Variants in MAPK8IP3 observed in about 807,000 individuals in gnomAD.
The protein encoded by MAPK8IP3 is C-Jun-amino-terminal kinase-interacting protein 3.
In MAPK8IP3, 49 loss-of-function variants were observed where a neutral mutation model predicts 157.8. The observed-to-expected ratio is 0.31, with a 90% CI of 0.25 to 0.39. MAPK8IP3 has a LOEUF of 0.39. Ranked by LOEUF, MAPK8IP3 falls within the 10% of genes least tolerant of loss-of-function variation. The pLI, the probability that MAPK8IP3 is intolerant of heterozygous loss-of-function variation, is 1.00. For missense variants in MAPK8IP3, 1,478 were observed against 1,889.4 expected (o/e 0.78, Z 4.04); for synonymous variants, 897 against 777.7 (o/e 1.15, Z -2.55).
Position 1,747,041 on chromosome 16 carries a change from G to A in MAPK8IP3, c.760G>A (p.Glu254Lys). 6.2e-7 allele frequency: 1 copy of A among 1,613,594 alleles called. No homozygotes were observed. ...TGTTTGGCCTTAGTGTCCACAGGAT[G>A]AAATGTCCGAGTCAGGCCAGTCCTC... is the stretch of plus-strand genomic sequence containing the variant. Reference protein sequence around the residue: ...SSSSYQCPQDEMSESGQSSAA... With the variant: ...SSSSYQCPQDKMSESGQSSAA... Residue 254 changes from glutamate (E) to lysine (K), a missense_variant, in exon 6 of 32, where the codon GAA (glutamate) becomes AAA (lysine). Transcript: ENST00000610761.
At chr16:1,767,332 G>A in intron 26 of MAPK8IP3, 35 bp downstream of exon 26, 1 of 1,610,380 alleles carries the variant, frequency 6.2e-7, no homozygotes, top group Non-Finnish European at 8.5e-7. Flanking sequence ...GAGGGGAAGA[G>A]GCTCCTGCTG....
rs763657841 is a variant in MAPK8IP3 at position 1,747,274 on chromosome 16, A to C, written c.993A>C (p.Ile331=). The C allele has an allele frequency of 1.4e-5, 22 of 1,612,146 alleles. No individual in the cohort carries two copies. Among genetic ancestry groups the C allele is most frequent in the Non-Finnish European group, 1.7e-5 (20 of 1,178,904 alleles). Residue 331 remains isoleucine (I), a splice_region_variant and synonymous_variant, in exon 6 of 32, where the codon ATA becomes ATC. Coordinates refer to ENST00000610761, the MANE Select transcript of MAPK8IP3 (RefSeq NM_001318852.2). ...CCCAGGAGATGCGCAACGTCAGTAT[A>C]GGTGGGTGCCCACCTCCGGGACTCT... The part of the protein sequence containing the change: ...QVTQEMRNVS[I]GMGSSDEWSD...
chr16:1,736,965 C>A (rs2039964346), intron 4 of MAPK8IP3, among the ~76,000 whole-genome samples: 1 of 59,554 alleles, frequency 1.7e-5, no homozygotes, highest in Non-Finnish European at 3.1e-5. Flanking sequence ...TGTGACCGTC[C>A]GTGTGACCGT....
chr16:1,717,915 G>T (rs534573263), intron 1 of MAPK8IP3, among the ~76,000 whole-genome samples: 1 of 151,490 alleles, frequency 6.6e-6, no homozygotes. Context: ...GCAGTGGCAC[G>T]ATCTCAGCTC....
intron 1 of MAPK8IP3, among the ~76,000 whole-genome samples, chr16:1,709,304 G>A (rs541332684): frequency 2.6e-5 from 4 of 152,232 alleles, no homozygotes; most frequent in Non-Finnish European, 5.9e-5. Flanking sequence ...GACCCAAGCC[G>A]TGGAGTCTGC....
intron 1 of MAPK8IP3, among the ~76,000 whole-genome samples, chr16:1,717,569 G>A (rs182333757): frequency 1.3e-5 from 2 of 152,338 alleles, no homozygotes; most frequent in Admixed American, 1.3e-4. Context: ...AGGTGGTCGT[G>A]TCAAATACAC....
intron 4 of MAPK8IP3, chr16:1,735,112 A>G (rs574266128): frequency 7.2e-5 from 11 of 152,428 alleles, no homozygotes; most frequent in Non-Finnish European, 1.6e-4. Context: ...GTCAAAGCCA[A>G]GAGGGCTCGT....
In MAPK8IP3 at chr16:1,767,815, G is replaced by A. The variant is rs569437415; in HGVS notation, c.3420G>A (p.Lys1140=). 4 of 1,611,300 alleles carry A rather than the reference G, an allele frequency of 2.5e-6. No individual in the cohort carries two copies. Among genetic ancestry groups the A allele is most frequent in the South Asian group, 2.2e-5 (2 of 91,068 alleles). Reference sequence around the variant, plus strand: ...CGCTCTCCCCCACAGGCACTGGCAAGCTGGGTTTCTCCTTCGTACGCATCA... The same window carrying A: ...CGCTCTCCCCCACAGGCACTGGCAAACTGGGTTTCTCCTTCGTACGCATCA... The part of the protein sequence containing the change: ...PYVSKMLGTG[K]LGFSFVRITA... Residue 1140 remains lysine (K), a synonymous_variant, in exon 28 of 32, where the codon AAG becomes AAA. Coordinates refer to ENST00000610761, the MANE Select transcript of MAPK8IP3 (RefSeq NM_001318852.2).
intron 1 of MAPK8IP3, among the ~76,000 whole-genome samples, chr16:1,722,176 C>T (rs796247091): frequency 2.8e-4 from 43 of 152,114 alleles, no homozygotes; most frequent in African/African-American, 9.9e-4. Flanking sequence ...TTTTTTGTAC[C>T]GCCGCACAAA....
At chr16:1,763,992 C>A in intron 17 of MAPK8IP3, 123 bp from the exon 18 acceptor site, 1 of 1,112,332 alleles carries the variant, frequency 9.0e-7, no homozygotes. Flanking sequence ...CCCACGCCCC[C>A]ACCTGCCTCC....
In MAPK8IP3 at chr16:1,766,314, C is replaced by A. The variant is rs762921671; in HGVS notation, c.2724C>A (p.Ser908Arg). ...CGGAGGTGCCAGACCCTGGGCCCAGCGAGCCAGAGACAGCCACATTGCGGC... is the reference window on the plus strand; with the variant it reads ...CGGAGGTGCCAGACCCTGGGCCCAGAGAGCCAGAGACAGCCACATTGCGGC... ...EATEVPDPGP[S>R]EPETATLRPG... Residue 908 changes from serine to arginine, a missense_variant, in exon 22 of 32, where the codon AGC becomes AGA. By Grantham distance (110) the Ser-to-Arg change is moderately radical. Transcript: ENST00000610761. The A allele has an allele frequency of 4.3e-6, 7 of 1,612,656 alleles. No homozygotes were observed. The highest frequency in any genetic ancestry group is 1.7e-5 in the Admixed American group (1 of 60,028).
At chr16:1,715,030 T>A (rs983138239) in intron 1 of MAPK8IP3, among the ~76,000 whole-genome samples, 5 of 152,158 alleles carry the variant, frequency 3.3e-5, no homozygotes, top group African/African-American at 1.2e-4. Flanking sequence ...ATATATATAT[T>A]TCCCAATACA....
At chr16:1,763,618 A>G (rs1050241690) in intron 16 of MAPK8IP3, 39 bp from the exon 17 acceptor site, 2 of 1,496,542 alleles carry the variant, frequency 1.3e-6, no homozygotes, top group Non-Finnish European at 1.8e-6. Context: ...GGGGCCGCTC[A>G]CCCTGGACAG....
chr16:1,740,081 CGT>C (rs1336999290), intron 4 of MAPK8IP3, among the ~76,000 whole-genome samples: 1 of 104,416 alleles, frequency 9.6e-6, no homozygotes, highest in Non-Finnish European at 1.8e-5. Context: ...CGTGAGCATC[CGT>C]GTGACCGTCC....
rs371372069 is a variant in MAPK8IP3, at chr16:1,724,708, C to T, written c.439+31C>T. On this transcript the variant is annotated intron_variant, in intron 2 of 31. Coordinates refer to ENST00000610761, the MANE Select transcript of MAPK8IP3 (RefSeq NM_001318852.2). This position sits in a 1 kb window ranked among gnomAD's most constrained non-coding sequence, Gnocchi z 4.1. ...TGGCTGGCGGGAGCCTGGAGGCGCG[C>T]TTGATGGGCGCTGCTCTGGGACGGC... 2.9e-5 allele frequency: 46 copies of T among 1,603,896 alleles called. No individual in the cohort carries two copies. Among genetic ancestry groups the T allele is most frequent in the Middle Eastern group, 3.6e-4 (2 of 5,552 alleles).
rs112505106 is a variant in MAPK8IP3 at position 1,711,831 on chromosome 16, T to C, written c.318+5174T>C. Among the ~76,000 whole-genome samples the C allele has an allele frequency of 3.8e-3, 577 of 151,588 alleles. 4 individuals carry two copies. Among genetic ancestry groups the C allele is most frequent in the African/African-American group, 0.013 (549 of 41,284 alleles). On this transcript the variant is annotated intron_variant, in intron 1 of 31. Coordinates refer to ENST00000610761, the MANE Select transcript of MAPK8IP3 (RefSeq NM_001318852.2). ...GATGCACACCTGTACTCCCAGCTACTTGGAAGGCTGAAGCAGGAGAATCGC... is the reference window on the plus strand; with the variant it reads ...GATGCACACCTGTACTCCCAGCTACCTGGAAGGCTGAAGCAGGAGAATCGC...
At chr16:1,716,183 A>G (rs928957182) in intron 1 of MAPK8IP3, among the ~76,000 whole-genome samples, 1 of 152,176 alleles carries the variant, frequency 6.6e-6, no homozygotes, top group Non-Finnish European at 1.5e-5. Context: ...TATATTGGAC[A>G]TTAAAAGTCA....
chr16:1,711,083 G>A (rs897782263), intron 1 of MAPK8IP3, among the ~76,000 whole-genome samples: 3 of 152,272 alleles, frequency 2.0e-5, no homozygotes, highest in African/African-American at 7.2e-5. Flanking sequence ...AGAGCTGAGA[G>A]AAGTCAGTTC....
chr16:1,715,357 C>T (rs945883460), intron 1 of MAPK8IP3, among the ~76,000 whole-genome samples: 3 of 152,162 alleles, frequency 2.0e-5, no homozygotes, highest in Admixed American at 6.5e-5. Context: ...TGCACGTCCT[C>T]TCTCTGCATT....
Sources: gnomAD v4.1 joint callset for allele counts (sites outside exome capture counted in the v4.1 genomes callset) on GRCh38, gnomAD v4.1.1 for gene constraint, Gnocchi (gnomAD v3.1) non-coding constraint, MANE v1.5 for transcripts, NCBI Gene and HGNC (gene_info 2026-07-23, HGNC 2026-07-21) for gene names.